The following FGF13 variants were observed in gnomAD, a reference collection of about 807,000 sequenced individuals.
FGF13 encodes fibroblast growth factor homologous factor 2.
In FGF13, 2 loss-of-function variants were observed where a neutral mutation model predicts 19.5. The observed-to-expected ratio is 0.10, with a 90% CI of 0.04 to 0.32. FGF13 has a LOEUF of 0.32. FGF13 is among the 10% of genes least tolerant of loss of function. FGF13 has a pLI of 1.00. For missense variants in FGF13, 113 were observed against 192.7 expected, an observed-to-expected ratio of 0.59 and a Z score of 2.45; for synonymous variants, 72 against 76.9, an observed-to-expected ratio of 0.94 and a Z score of 0.33.
At chrX:139,141,047 TGATAGATAGATAGATA>T (rs71855826) in intron 1 of FGF13, among the ~76,000 whole-genome samples, 47 of 89,115 alleles carry the variant, frequency 5.3e-4, no homozygotes, top group Non-Finnish European at 6.3e-4. Context: ...ACTAGATAGA[TGATAGATAGATAGATA>T]GATAGATAGA....
rs2090043010 is a variant in FGF13 at position 138,711,219 on chromosome X, G to A, written c.-216C>T. On this transcript the variant is annotated 5_prime_UTR_variant, in exon 1 of 5. Transcript: ENST00000315930. ...CCGGCGGCGGTCCGGCTCCCGCGCG[G>A]GCTGCTGGCTGCCTGGGTCGGAGTC... 2.8e-6 allele frequency: 3 copies of A among 1,053,368 alleles called. No individual in the cohort carries two copies. The highest frequency in any genetic ancestry group is 2.7e-5 in the South Asian group (1 of 37,306). 86.8% of individuals were successfully genotyped at this position (1,053,368 alleles called of 1,213,427 possible).
chrX:138,919,335 C>G (rs1436822644), intron 1 of FGF13, among the ~76,000 whole-genome samples: 3 of 111,432 alleles, frequency 2.7e-5, no homozygotes, highest in Admixed American at 9.5e-5. Flanking sequence ...AGAGAAAGCT[C>G]TAATGACTTT....
At chrX:138,997,361 A>C (rs1045593491) in intron 1 of FGF13, among the ~76,000 whole-genome samples, 1 of 111,938 alleles carries the variant, frequency 8.9e-6, no homozygotes, top group African/African-American at 3.3e-5. Flanking sequence ...TACGCTTCAG[A>C]AGGTGGGTAA....
chrX:138,666,739 T>C (rs911719161), intron 3 of FGF13, among the ~76,000 whole-genome samples: 2 of 111,146 alleles, frequency 1.8e-5, no homozygotes, highest in Admixed American at 1.9e-4. Flanking sequence ...AATTATCATA[T>C]ATGAACAGAA....
downstream of FGF13, among the ~76,000 whole-genome samples, chrX:138,852,546 A>G (rs1199349607): frequency 8.9e-6 from 1 of 111,939 alleles, no homozygotes; most frequent in Non-Finnish European, 1.9e-5. Flanking sequence ...CCTTATACAA[A>G]ACTTAATTCA....
At chrX:139,195,257 T>C (rs2148280287) in intron 1 of FGF13, among the ~76,000 whole-genome samples, 1 of 111,611 alleles carries the variant, frequency 9.0e-6, no homozygotes, top group East Asian at 2.8e-4. Context: ...TCCAAGAGAA[T>C]GGCTCACATT....
intron 1 of FGF13, among the ~76,000 whole-genome samples, chrX:138,891,151 G>A (rs2091474834): frequency 8.9e-6 from 1 of 111,736 alleles, no homozygotes. Flanking sequence ...AATTTGTGGT[G>A]TCGGGCACCT....
chrX:138,717,960 G>C (rs1175909961), intron 1 of FGF13, among the ~76,000 whole-genome samples: 1 of 111,628 alleles, frequency 9.0e-6, no homozygotes, highest in Non-Finnish European at 1.9e-5. Flanking sequence ...GATGAACTTG[G>C]AGCATGTGGA....
chrX:138,754,213 G>A (rs1397630126), intron 3 of FGF13, among the ~76,000 whole-genome samples: 2 of 111,751 alleles, frequency 1.8e-5, no homozygotes, highest in Non-Finnish European at 3.8e-5. Flanking sequence ...AGAATTTCCA[G>A]TAAAATGGAT....
intron 3 of FGF13, among the ~76,000 whole-genome samples, chrX:138,757,874 T>C (rs1255446753): frequency 9.0e-6 from 1 of 111,682 alleles, no homozygotes; most frequent in African/African-American, 3.3e-5. Flanking sequence ...GGTAGTATTA[T>C]TACATCCATG....
At chrX:138,800,677 T>A (rs1211731689) in intron 3 of FGF13, among the ~76,000 whole-genome samples, 1 of 112,099 alleles carries the variant, frequency 8.9e-6, no homozygotes, top group Non-Finnish European at 1.9e-5. Context: ...GTTTTCCAAC[T>A]TGATTCCATT....
chrX:138,873,065 C>T (rs960706330), intron 1 of FGF13, among the ~76,000 whole-genome samples: 1 of 111,450 alleles, frequency 9.0e-6, no homozygotes, highest in Admixed American at 9.5e-5. Context: ...TTTTGTGCTC[C>T]GCTGCCACAA....
rs59861324 is a variant in FGF13, at chrX:139,038,207, A to C, written c.-113+165209T>G. Among the ~76,000 whole-genome samples the C allele has an allele frequency of 4.0e-3, 444 of 111,105 alleles. 1 individual carries two copies. Among genetic ancestry groups the C allele is most frequent in the African/African-American group, 0.014 (423 of 30,557 alleles). ...CCCCCACTCCTAGTTTCATCAACAC[A>C]CAGGGTGATAATCCACCCCTGCTGT... On this transcript the variant is annotated intron_variant, in intron 1 of 2. Coordinates refer to the FGF13 transcript ENST00000421460.
chrX:139,022,316 T>G (rs1029206520), intron 1 of FGF13, among the ~76,000 whole-genome samples: 1 of 112,149 alleles, frequency 8.9e-6, no homozygotes, highest in African/African-American at 3.2e-5. Flanking sequence ...ATAGCAGCAT[T>G]GGGGTACTCA....
Position 138,626,068 on chromosome X carries a change from ACTG to A in FGF13, c.*6779_*6781del, listed in dbSNP as rs1602630299. The A allele has an allele frequency of 8.9e-6, 1 of 112,147 alleles. No individual in the cohort carries two copies. Among genetic ancestry groups the A allele is most frequent in the African/African-American group, 3.2e-5 (1 of 30,815 alleles). The allele number at this position is 112,147 out of a possible 1,213,427, so 9.2% of individuals were successfully genotyped here. ...CTATTTTCTTTCTTTCATTTTGTCTACTGATGAGAATAAATTACTCATTAGGTT... is the reference window on the plus strand; with the variant it reads ...CTATTTTCTTTCTTTCATTTTGTCTAATGAGAATAAATTACTCATTAGGTT... On this transcript the variant is annotated 3_prime_UTR_variant, in exon 5 of 5. Transcript: ENST00000315930.
chrX:138,837,632 G>C (rs894010963), intron 3 of FGF13, among the ~76,000 whole-genome samples: 8 of 112,097 alleles, frequency 7.1e-5, no homozygotes, highest in Admixed American at 5.6e-4. Flanking sequence ...ACACCAGTCG[G>C]GGTGGCTGCA....
intron 3 of FGF13, among the ~76,000 whole-genome samples, chrX:138,792,586 A>G (rs938444214): frequency 8.9e-6 from 1 of 112,095 alleles, no homozygotes; most frequent in Non-Finnish European, 1.9e-5. Flanking sequence ...ATATTCCTAA[A>G]TTTATACTCT....
At chrX:139,030,891 A>G (rs1430838151) in intron 1 of FGF13, among the ~76,000 whole-genome samples, 1 of 112,198 alleles carries the variant, frequency 8.9e-6, no homozygotes, top group Non-Finnish European at 1.9e-5. Flanking sequence ...GGTTAAAAGG[A>G]AGGGCTTGAA....
Position 138,702,478 on chromosome X carries a change from G to A in FGF13, c.402+506C>T, listed in dbSNP as rs1022727126. On this transcript the variant is annotated intron_variant, in intron 3 of 4. Transcript: ENST00000315930. ...AAGCAGGAATTTATAGGTAAGGAAAGGTTAAATAGTGCTTATATTTAAAGC... is the reference window on the plus strand; with the variant it reads ...AAGCAGGAATTTATAGGTAAGGAAAAGTTAAATAGTGCTTATATTTAAAGC... 6.3e-5 allele frequency among the ~76,000 whole-genome samples: 7 copies of A among 111,764 alleles called. No homozygotes were observed. In the Admixed American group the frequency reaches 6.7e-4, roughly 11 times the overall value.
Sources: gnomAD v4.1 joint callset for allele counts (sites outside exome capture counted in the v4.1 genomes callset) on GRCh38, gnomAD v4.1.1 for gene constraint, MANE v1.5 for transcripts, NCBI Gene and HGNC (gene_info 2026-07-23, HGNC 2026-07-21) for gene names.